PPM1N: variants seen among roughly 807,000 people sequenced by gnomAD.
The protein encoded by PPM1N is protein phosphatase, Mg2+/Mn2+ dependent 1N (putative).
Under a neutral mutation model 32.6 loss-of-function variants are expected in PPM1N, and 35 were observed. The ratio of observed to expected loss-of-function variants is 1.07; its 90% CI spans 0.82 to 1.43. PPM1N has a LOEUF of 1.43. Ranked by LOEUF, PPM1N falls within the 40% of genes most tolerant of loss-of-function variation. PPM1N has a pLI of 0.00. For missense variants in PPM1N, 648 were observed against 606.6 expected (o/e 1.07, Z -0.72); for synonymous variants, 275 against 270.5 (o/e 1.02, Z -0.16).
Position 45,498,795 on chromosome 19 carries a change from C to T in PPM1N, c.323C>T (p.Ala108Val), listed in dbSNP as rs1225262407. 8 of 1,551,126 alleles carry T rather than the reference C, an allele frequency of 5.2e-6. No individual in the cohort carries two copies. The South Asian group carries it at 8.4e-5, about 16-fold the overall frequency. ...GCCGTCCTCGACGGCCACGGTGGGG[C>T]TCGAGCTGCCCGCTTCGGTGCACGC... Reference protein sequence around the residue: ...LFAVLDGHGGARAARFGARHL... With the variant: ...LFAVLDGHGGVRAARFGARHL... Residue 108 changes from alanine (A) to valine (V), a missense_variant, in exon 1 of 5, where the codon GCT (alanine) becomes GTT (valine). By Grantham distance (64) the Ala-to-Val change is moderately conservative. Coordinates refer to ENST00000451287, the MANE Select transcript of PPM1N (RefSeq NM_001080401.2).
In PPM1N at chr19:45,502,237, C is replaced by T; in HGVS notation, c.*152C>T. 1.8e-6 allele frequency: 1 copy of T among 544,568 alleles called. No individual in the cohort carries two copies. The highest frequency in any genetic ancestry group is 2.1e-5 in the African/African-American group (1 of 48,174). The allele number at this position is 544,568 out of a possible 1,614,324, so 33.7% of individuals were successfully genotyped here. On this transcript the variant is annotated 3_prime_UTR_variant, in exon 5 of 5. Coordinates refer to ENST00000451287, the MANE Select transcript of PPM1N (RefSeq NM_001080401.2). ...GCTTATTTCTTCTTCTCTTACTTCC[C>T]TCTCACAGAAAAGTCTTACGAATGG...
In PPM1N at chr19:45,499,024, C is replaced by A. The variant is rs538036435; in HGVS notation, c.552C>A (p.Arg184=). ...ACCTGGCGCACTGCGGTGACTCCCGCGCGGTGCTGAGCCGCGCTGGCGCCG... is the reference window on the plus strand; with the variant it reads ...ACCTGGCGCACTGCGGTGACTCCCGAGCGGTGCTGAGCCGCGCTGGCGCCG... ...FLYLAHCGDS[R]AVLSRAGAVA... Residue 184 remains arginine (R), a synonymous_variant, in exon 1 of 5, where the codon CGC becomes CGA. Transcript: ENST00000451287. 1.3e-6 allele frequency: 2 copies of A among 1,558,060 alleles called. No homozygotes were observed. Among genetic ancestry groups the A allele is most frequent in the South Asian group, 1.2e-5 (1 of 86,272 alleles).
intron 4 of PPM1N, 76 bp from the exon 5 acceptor site, chr19:45,501,941 C>A: frequency 1.0e-6 from 1 of 987,222 alleles, no homozygotes; most frequent in Non-Finnish European, 1.4e-6. Context: ...TATGGTGGTC[C>A]CTCAAAGGAA....
In PPM1N at chr19:45,499,990, T is replaced by C. The variant is rs1314632808; in HGVS notation, c.981T>C (p.Pro327=). Reference sequence around the variant, plus strand: ...TGACCTGCATCCTGGTCTGCTTCCCTGGGGCCCCTAGGCCTTCTGAGGAGG... The same window carrying C: ...TGACCTGCATCCTGGTCTGCTTCCCCGGGGCCCCTAGGCCTTCTGAGGAGG... The part of the protein sequence containing the change: ...DNMTCILVCF[P]GAPRPSEEAI... Residue 327 remains proline, a synonymous_variant, in exon 2 of 5, where the codon CCT becomes CCC. Coordinates refer to ENST00000451287, the MANE Select transcript of PPM1N (RefSeq NM_001080401.2). 6.2e-7 allele frequency: 1 copy of C among 1,603,228 alleles called. No individual in the cohort carries two copies. The highest frequency in any genetic ancestry group is 8.5e-7 in the Non-Finnish European group (1 of 1,174,700).
At chr19:45,499,549 G>A in intron 1 of PPM1N, 138 bp downstream of exon 1, 8 of 1,550,442 alleles carry the variant, frequency 5.2e-6, no homozygotes, top group Non-Finnish European at 7.0e-6. Context: ...AGCGAAGGGC[G>A]TGGCCTGAAG....
chr19:45,500,748 G>C, intron 4 of PPM1N, 38 bp downstream of exon 4: 1 of 1,531,606 alleles, frequency 6.5e-7, no homozygotes. Context: ...CTCTTAGGAG[G>C]GGACGCCCCC....
intron 2 of PPM1N, 70 bp from the exon 3 acceptor site, chr19:45,500,386 T>C (rs1238911095): frequency 7.2e-7 from 1 of 1,382,140 alleles, no homozygotes; most frequent in Non-Finnish European, 1.0e-6. Flanking sequence ...CCGCCCGCCT[T>C]GGTCTCCCAA....
chr19:45,500,083 G>C lies in PPM1N; in HGVS notation c.1057+17G>C. 6.4e-7 allele frequency: 1 copy of C among 1,571,952 alleles called. No individual in the cohort carries two copies. Among genetic ancestry groups the C allele is most frequent in the Non-Finnish European group, 8.6e-7 (1 of 1,157,978 alleles). ...GAATCGCTGGTGAGCAGACTCTGGG[G>C]GCCCAGCTGGAGGGGTGGTTGGCCA... On this transcript the variant is annotated intron_variant, in intron 2 of 4. Coordinates refer to ENST00000451287, the MANE Select transcript of PPM1N (RefSeq NM_001080401.2).
Position 45,498,642 on chromosome 19 carries a change from G to C in PPM1N, c.170G>C (p.Gly57Ala), listed in dbSNP as rs1398205820. ...TAPRRAQRPH[G>A]GAEASGGLRF... ...CCGCGCCGCGCCCAGCGGCCGCACG[G>C]GGGTGCCGAGGCGTCTGGGGGCCTG... Residue 57 changes from glycine (G) to alanine (A), a missense_variant, in exon 1 of 5, where the codon GGG becomes GCG. By Grantham distance (60) the Gly-to-Ala change is moderately conservative (BLOSUM62 0). Coordinates refer to ENST00000451287, the MANE Select transcript of PPM1N (RefSeq NM_001080401.2). 1.4e-6 allele frequency: 2 copies of C among 1,416,782 alleles called. No individual in the cohort carries two copies. The highest frequency in any genetic ancestry group is 3.0e-5 in the East Asian group (1 of 33,698). 87.8% of individuals were successfully genotyped at this position (1,416,782 alleles called of 1,614,324 possible).
At chr19:45,499,672 G>A (rs2122246367) in intron 1 of PPM1N, 1 of 1,547,670 alleles carries the variant, frequency 6.5e-7, no homozygotes, top group South Asian at 1.2e-5. Context: ...GGCGATTCTG[G>A]GTCGTAGGAG....
Position 45,498,693 on chromosome 19 carries a change from G to A in PPM1N, c.221G>A (p.Gly74Asp), listed in dbSNP as rs1429041618. 1.3e-6 allele frequency: 2 copies of A among 1,489,422 alleles called. No individual in the cohort carries two copies. Among genetic ancestry groups the A allele is most frequent in the East Asian group, 2.8e-5 (1 of 35,274 alleles). 92.3% of individuals were successfully genotyped at this position (1,489,422 alleles called of 1,614,324 possible). A position where few individuals can be genotyped will look rare whatever the true frequency, so the allele number is the denominator to read the frequency against. ...GLRFGASAAQ[G>D]WRARMEDAHC... ...CGCTTCGGGGCGAGCGCAGCGCAAG[G>A]CTGGCGCGCGCGCATGGAGGATGCT... The change falls in exon 1 of 5, where the codon GGC becomes GAC. Residue 74 changes from glycine (G) to aspartate (D), a missense_variant. Coordinates refer to ENST00000451287, the MANE Select transcript of PPM1N (RefSeq NM_001080401.2).
At chr19:45,501,884 G>A in intron 4 of PPM1N, 133 bp from the exon 5 acceptor site, 1 of 531,144 alleles carries the variant, frequency 1.9e-6, no homozygotes. Flanking sequence ...GTCGCACTTG[G>A]GGTTGGGGTC....
rs1599920535 is a variant in PPM1N at position 45,500,019 on chromosome 19, T to C, written c.1010T>C (p.Ile337Thr). ...GCCCCTAGGCCTTCTGAGGAGGCGA[T>C]CAGGAGGGAGCTAGCACTGGACGCA... is the stretch of plus-strand genomic sequence containing the variant. Reference protein sequence around the residue: ...PGAPRPSEEAIRRELALDAAL... With the variant: ...PGAPRPSEEATRRELALDAAL... Residue 337 changes from isoleucine to threonine, a missense_variant, in exon 2 of 5, where the codon ATC (isoleucine) becomes ACC (threonine). Physicochemically the swap from Ile to Thr is moderately conservative, Grantham distance 89. Coordinates refer to ENST00000451287, the MANE Select transcript of PPM1N (RefSeq NM_001080401.2). 6.2e-7 allele frequency: 1 copy of C among 1,603,878 alleles called. No individual in the cohort carries two copies. Among genetic ancestry groups the C allele is most frequent in the East Asian group, 2.2e-5 (1 of 44,614 alleles).
At chr19:45,501,944 C>T (rs565292753) in intron 4 of PPM1N, 73 bp from the exon 5 acceptor site, 3 of 1,065,682 alleles carry the variant, frequency 2.8e-6, no homozygotes, top group Admixed American at 3.2e-5. Flanking sequence ...GGTGGTCCCT[C>T]AAAGGAAAAG....
Position 45,498,547 on chromosome 19 carries a change from G to A in PPM1N, c.75G>A (p.Gly25=). 1.4e-6 allele frequency: 2 copies of A among 1,455,316 alleles called. No individual in the cohort carries two copies. Among genetic ancestry groups the A allele is most frequent in the Non-Finnish European group, 1.8e-6 (2 of 1,107,504 alleles). 90.2% of individuals were successfully genotyped at this position (1,455,316 alleles called of 1,614,324 possible). ...AGAAAAAGGAGAGGGAGAAGGAGGG[G>A]AGGGAGGAAGAGGAGGAGGAGGAGG... ...ACKKKEREKE[G]REEEEEEEAG... is the part of the protein sequence containing the mutation. Residue 25 remains glycine, a synonymous_variant, in exon 1 of 5, where the codon GGG becomes GGA. Coordinates refer to ENST00000451287, the MANE Select transcript of PPM1N (RefSeq NM_001080401.2).
In PPM1N at chr19:45,498,523, GA is replaced by G. The variant is rs1486609826; in HGVS notation, c.56del (p.Lys19ArgfsTer28). 2 of 1,416,944 alleles carry G rather than the reference GA, an allele frequency of 1.4e-6. No individual in the cohort carries two copies. The highest frequency in any genetic ancestry group is 2.9e-5 in the East Asian group (1 of 33,978). The allele number at this position is 1,416,944 out of a possible 1,614,324, so 87.8% of individuals were successfully genotyped here. A position where few individuals can be genotyped will look rare whatever the true frequency, so the allele number is the denominator to read the frequency against. ...AGCGTCTCCTCTGGACCGCTTGCAA[GA>G]AAAAGGAGAGGGAGAAGGAGGGGAG... ...LQRLLWTACK[K>X]KEREKEGREE... On this transcript the variant is annotated frameshift_variant, in exon 1 of 5. Coordinates refer to ENST00000451287, the MANE Select transcript of PPM1N (RefSeq NM_001080401.2). LOFTEE classifies it high-confidence loss of function.
chr19:45,499,941 G>C lies in PPM1N; in HGVS notation c.940-8G>C, dbSNP rs763414460. On this transcript the variant is annotated splice_region_variant and splice_polypyrimidine_tract_variant and intron_variant, in intron 1 of 4. Transcript: ENST00000451287. ...CCCACCGGGCTCCTTTTTCTCCACC[G>C]GCTTCAGGGCAGCCTGGACAACATG... is the stretch of plus-strand genomic sequence containing the variant. 6.4e-6 allele frequency: 10 copies of C among 1,568,070 alleles called. No homozygotes were observed. In the South Asian group the frequency reaches 1.1e-4, roughly 17 times the overall value.
Position 45,498,444 on chromosome 19 carries a change from T to G in PPM1N, c.-29T>G, listed in dbSNP as rs866437122. 3 of 1,325,592 alleles carry G rather than the reference T, an allele frequency of 2.3e-6. No homozygotes were observed. The highest frequency in any genetic ancestry group is 2.9e-6 in the Non-Finnish European group (3 of 1,037,832). The allele number at this position is 1,325,592 out of a possible 1,614,324, so 82.1% of individuals were successfully genotyped here. Reference sequence around the variant, plus strand: ...GGAGGGGGCGGGCAGGTGTACAGGGTGGAGCCTTCCTGATCCCAGGGCTGA... The same window carrying G: ...GGAGGGGGCGGGCAGGTGTACAGGGGGGAGCCTTCCTGATCCCAGGGCTGA... On this transcript the variant is annotated 5_prime_UTR_variant, in exon 1 of 5. Transcript: ENST00000451287.
Position 45,502,330 on chromosome 19 carries a change from AAAAAC to A in PPM1N, c.*250_*254del, listed in dbSNP as rs371899105. ...ATCGAAAAAAAAAAAAAAAAAAAAA[AAAAAC>A]AAAAAAACCCAACCAAATGTTTTTG... On this transcript the variant is annotated 3_prime_UTR_variant, in exon 5 of 5. Coordinates refer to ENST00000451287, the MANE Select transcript of PPM1N (RefSeq NM_001080401.2). 290 of 447,182 alleles carry A rather than the reference AAAAAC, an allele frequency of 6.5e-4. 30 individuals are homozygous for A. The highest frequency in any genetic ancestry group is 2.4e-3 in the African/African-American group (80 of 33,578). 27.7% of individuals were successfully genotyped at this position (447,182 alleles called of 1,614,324 possible).
Sources: gnomAD v4.1 joint callset for allele counts on GRCh38, gnomAD v4.1.1 for gene constraint, MANE v1.5 for transcripts, NCBI Gene and HGNC (gene_info 2026-07-23, HGNC 2026-07-21) for gene names.